RGS21: variants seen among roughly 807,000 people sequenced by gnomAD.
The protein encoded by RGS21 is regulator of G-protein signalling 21.
In RGS21, 19 loss-of-function variants were observed where a neutral mutation model predicts 18.7. The observed-to-expected ratio is 1.01, with a 90% confidence interval of 0.71 to 1.49. The LOEUF (loss-of-function observed/expected upper bound fraction) is 1.49. Among genes scored for constraint, RGS21 ranks in the 40% most tolerant of loss-of-function variants. The pLI, the probability that RGS21 is intolerant of heterozygous loss-of-function variation, is 0.00. For synonymous variants in RGS21, 56 were observed against 57.8 expected (o/e 0.97, Z 0.14); for missense variants, 194 against 176.8 (o/e 1.10, Z -0.55).
intron 1 of RGS21, among the ~76,000 whole-genome samples, chr1:192,332,321 G>T (rs1210507959): frequency 6.6e-6 from 1 of 152,074 alleles, no homozygotes; most frequent in Non-Finnish European, 1.5e-5. Context: ...GATAGAAAAA[G>T]ACAATGGAGC....
In RGS21 at chr1:192,318,177, TA is replaced by T. The variant is rs80051285; in HGVS notation, c.-61+1080del. Among the ~76,000 whole-genome samples, 10 of 152,032 alleles carry T rather than the reference TA, an allele frequency of 6.6e-5. No homozygotes were observed. In the South Asian group the frequency reaches 1.0e-3, roughly 16 times the overall value. On this transcript the variant is annotated intron_variant, in intron 1 of 4. Coordinates refer to ENST00000417209, the MANE Select transcript of RGS21 (RefSeq NM_001039152.3). ...GACAATGTCAAAATATTGCATTATC[TA>T]AAAAAAACCTAGTCATTAAACTTAG... is the stretch of plus-strand genomic sequence containing the variant.
At chr1:192,339,916 A>G (rs111600693) in intron 1 of RGS21, among the ~76,000 whole-genome samples, 8 of 109,360 alleles carry the variant, frequency 7.3e-5, no homozygotes, top group African/African-American at 2.6e-4. Flanking sequence ...TTTTAAATTA[A>G]TTAATTTTGT....
chr1:192,357,736 C>A (rs1158908402), intron 4 of RGS21, among the ~76,000 whole-genome samples: 1 of 151,972 alleles, frequency 6.6e-6, no homozygotes, highest in African/African-American at 2.4e-5. Flanking sequence ...AAAGCAGAAG[C>A]ATAAAATTAT....
chr1:192,364,722 C>A (rs1018826755), intron 4 of RGS21, among the ~76,000 whole-genome samples: 3 of 152,018 alleles, frequency 2.0e-5, no homozygotes, highest in African/African-American at 7.2e-5. Context: ...TTCCATTTAA[C>A]AAATATTTAT....
At chr1:192,357,599 C>A (rs934331126) in intron 4 of RGS21, among the ~76,000 whole-genome samples, 3 of 151,834 alleles carry the variant, frequency 2.0e-5, no homozygotes, top group Non-Finnish European at 4.4e-5. Flanking sequence ...ATGAGCCCTG[C>A]AGTCATTAAG....
At chr1:192,365,837 A>G (rs1204607422) in intron 4 of RGS21, 84 bp from the exon 5 acceptor site, 2 of 743,272 alleles carry the variant, frequency 2.7e-6, no homozygotes, top group Non-Finnish European at 2.2e-6. Flanking sequence ...TTGTGTTTAG[A>G]AAGAATTTTA....
chr1:192,342,252 G>C (rs1321358657), intron 1 of RGS21, among the ~76,000 whole-genome samples: 1 of 152,004 alleles, frequency 6.6e-6, no homozygotes, highest in Non-Finnish European at 1.5e-5. Context: ...ATTACATTGA[G>C]ATAAAAGCTT....
chr1:192,343,052 G>A lies in RGS21; in HGVS notation c.11+5G>A. 1 of 1,612,574 alleles carries A rather than the reference G, an allele frequency of 6.2e-7. No individual in the cohort carries two copies. Among genetic ancestry groups the A allele is most frequent in the Non-Finnish European group, 8.5e-7 (1 of 1,178,808 alleles). On this transcript the variant is annotated splice_donor_5th_base_variant and intron_variant, in intron 2 of 4. Transcript: ENST00000417209. ...GGAACGAAAAATGCCAGTGAAGTGA[G>A]TTGCCGTTTCCAGCTATTTTTATCT...
intron 4 of RGS21, among the ~76,000 whole-genome samples, chr1:192,356,465 A>G (rs867868550): frequency 6.6e-6 from 1 of 151,888 alleles, no homozygotes; most frequent in African/African-American, 2.4e-5. Context: ...TAAAAAATAA[A>G]GTGTATAGAA....
At chr1:192,347,174 C>T in intron 2 of RGS21, 139 bp from the exon 3 acceptor site, 1 of 590,436 alleles carries the variant, frequency 1.7e-6, no homozygotes, top group Non-Finnish European at 3.1e-6. Context: ...CTGTAAATAG[C>T]ATTGTATAAT....
chr1:192,317,373 T>C (rs1345520706), intron 1 of RGS21, among the ~76,000 whole-genome samples: 2 of 151,472 alleles, frequency 1.3e-5, no homozygotes, highest in Non-Finnish European at 3.0e-5. Context: ...GATATCAGAC[T>C]CCACGGGAGG....
At chr1:192,356,415 CT>C (rs1278477417) in intron 4 of RGS21, among the ~76,000 whole-genome samples, 3 of 151,672 alleles carry the variant, frequency 2.0e-5, no homozygotes, top group African/African-American at 7.2e-5. Context: ...TAAATAGAAA[CT>C]TTAGTTTGAC....
intron 1 of RGS21, among the ~76,000 whole-genome samples, chr1:192,325,821 G>A (rs1386684698): frequency 6.6e-6 from 1 of 151,970 alleles, no homozygotes; most frequent in Non-Finnish European, 1.5e-5. Flanking sequence ...AATTGTTTAA[G>A]TTCCTTATAG....
Position 192,329,402 on chromosome 1 carries a change from AT to A in RGS21, c.-61+12305del, listed in dbSNP as rs78737921. ...CAGGACTTCTGCCTACCAAAGCTAC[AT>A]TTTTTTTCTATTTCTGATTCTGATT... On this transcript the variant is annotated intron_variant, in intron 1 of 4. Transcript: ENST00000417209. Among the ~76,000 whole-genome samples, 183 of 151,684 alleles carry A rather than the reference AT, an allele frequency of 1.2e-3. 1 individual carries two copies. Among genetic ancestry groups the A allele is most frequent in the African/African-American group, 4.4e-3 (180 of 41,366 alleles).
At chr1:192,362,549 T>C (rs1232370977) in intron 4 of RGS21, among the ~76,000 whole-genome samples, 1 of 152,206 alleles carries the variant, frequency 6.6e-6, no homozygotes, top group East Asian at 1.9e-4. Flanking sequence ...TAATTACATT[T>C]ACACGAACAT....
chr1:192,352,811 G>A (rs918239449), intron 4 of RGS21, among the ~76,000 whole-genome samples: 5 of 151,880 alleles, frequency 3.3e-5, no homozygotes, highest in Non-Finnish European at 7.4e-5. Context: ...TGTTAATAGC[G>A]CTCCAAACGT....
chr1:192,362,569 A>T (rs992369991), intron 4 of RGS21, among the ~76,000 whole-genome samples: 3 of 152,162 alleles, frequency 2.0e-5, no homozygotes, highest in Non-Finnish European at 4.4e-5. Context: ...TGGAGGTGTG[A>T]TGTTTTGTCA....
chr1:192,333,083 G>A (rs992222154), intron 1 of RGS21, among the ~76,000 whole-genome samples: 2 of 151,996 alleles, frequency 1.3e-5, no homozygotes, highest in Non-Finnish European at 2.9e-5. Context: ...AACATCACGA[G>A]CTGTTAGGGA....
At chr1:192,319,762 A>G (rs1571445846) in intron 1 of RGS21, among the ~76,000 whole-genome samples, 1 of 152,228 alleles carries the variant, frequency 6.6e-6, no homozygotes, top group East Asian at 1.9e-4. Context: ...AACTTCTGCT[A>G]CAATGTGTGA....
Sources: allele counts gnomAD v4.1 joint callset (sites outside exome capture counted in the v4.1 genomes callset), GRCh38; gene constraint gnomAD v4.1.1; transcripts MANE v1.5; gene names NCBI Gene and HGNC (gene_info 2026-07-23, HGNC 2026-07-21).